Variants in PARD3B observed in about 807,000 individuals in gnomAD.
The protein encoded by PARD3B is par-3 family cell polarity regulator beta, also known as partitioning defective 3 homolog B.
In PARD3B, 103 loss-of-function variants were observed where a neutral mutation model predicts 130.2. The ratio of observed to expected loss-of-function variants is 0.79; its 90% CI spans 0.67 to 0.93. The LOEUF (loss-of-function observed/expected upper bound fraction) is 0.93, where lower values mean the gene tolerates loss of function less well. Among genes scored for constraint, PARD3B ranks in the 40% least tolerant of loss-of-function variants. PARD3B has a pLI of 0.00. For synonymous variants in PARD3B, 583 were observed against 553.2 expected (o/e 1.05, Z -0.76); for missense variants, 1,609 against 1,499.2 (o/e 1.07, Z -1.21).
chr2:205,098,482 T>C (rs1312334898), intron 4 of PARD3B, among the ~76,000 whole-genome samples: 1 of 152,192 alleles, frequency 6.6e-6, no homozygotes, highest in Non-Finnish European at 1.5e-5. Flanking sequence ...AAAACTACTT[T>C]TAATTTCATT....
chr2:204,589,819 G>A (rs1475188515), intron 1 of PARD3B, among the ~76,000 whole-genome samples: 1 of 152,188 alleles, frequency 6.6e-6, no homozygotes, highest in Non-Finnish European at 1.5e-5. Context: ...ACTGAAATAT[G>A]GAAATTTAAT....
intron 18 of PARD3B, among the ~76,000 whole-genome samples, chr2:205,359,489 C>T (rs1371493540): frequency 6.6e-6 from 1 of 152,156 alleles, no homozygotes; most frequent in Non-Finnish European, 1.5e-5. Context: ...CAGTAATCCT[C>T]AGTTCATGGC....
At chr2:205,294,887 T>C (rs2041733165) in intron 16 of PARD3B, among the ~76,000 whole-genome samples, 1 of 152,124 alleles carries the variant, frequency 6.6e-6, no homozygotes, top group South Asian at 2.1e-4. Flanking sequence ...GTGATAAGCT[T>C]GGAATGATGA....
chr2:205,220,757 A>T (rs61468195), intron 15 of PARD3B, among the ~76,000 whole-genome samples: 627 of 152,248 alleles, frequency 4.1e-3, no homozygotes, highest in African/African-American at 0.014. Flanking sequence ...ACATTTTTGG[A>T]GATAAGATCA....
intron 22 of PARD3B, among the ~76,000 whole-genome samples, chr2:205,576,963 T>C (rs927596305): frequency 3.9e-5 from 6 of 152,234 alleles, no homozygotes; most frequent in Non-Finnish European, 7.3e-5. Context: ...TCTTCTTTGA[T>C]TTCTTTCATC....
chr2:204,950,853 C>T (rs565993182), intron 2 of PARD3B, among the ~76,000 whole-genome samples: 1 of 152,024 alleles, frequency 6.6e-6, no homozygotes, highest in East Asian at 1.9e-4. Flanking sequence ...GTTTTTTAAA[C>T]CACAATCTGG....
At chr2:204,975,120 A>G (rs1692032616) in intron 3 of PARD3B, among the ~76,000 whole-genome samples, 1 of 152,210 alleles carries the variant, frequency 6.6e-6, no homozygotes, top group Admixed American at 6.5e-5. Context: ...TAATAAATTC[A>G]GATGCTCACA....
At chr2:204,782,919 T>G (rs1282673087) in intron 2 of PARD3B, among the ~76,000 whole-genome samples, 1 of 152,018 alleles carries the variant, frequency 6.6e-6, no homozygotes, top group East Asian at 1.9e-4. Flanking sequence ...AGAAAGTGGG[T>G]TTTCTGACAA....
chr2:205,486,702 A>T (rs1463479165), intron 20 of PARD3B, among the ~76,000 whole-genome samples: 1 of 152,050 alleles, frequency 6.6e-6, no homozygotes, highest in African/African-American at 2.4e-5. Flanking sequence ...AAACAACCAG[A>T]TCTCATAATA....
chr2:204,847,927 G>T (rs536239597), intron 2 of PARD3B, among the ~76,000 whole-genome samples: 1 of 152,132 alleles, frequency 6.6e-6, no homozygotes, highest in East Asian at 1.9e-4. Context: ...AAAGAAATTT[G>T]TGCTAGTTTT....
intron 4 of PARD3B, among the ~76,000 whole-genome samples, chr2:205,073,453 T>C (rs1267232876): frequency 6.6e-6 from 1 of 152,180 alleles, no homozygotes; most frequent in East Asian, 1.9e-4. Flanking sequence ...CTAGACAACA[T>C]TTCATCTCAT....
chr2:204,621,201 A>T (rs553977686), intron 1 of PARD3B, among the ~76,000 whole-genome samples: 2 of 152,314 alleles, frequency 1.3e-5, no homozygotes, highest in South Asian at 2.1e-4. Context: ...TAGCTAAAAA[A>T]ACTGAAAGCT....
chr2:205,138,912 A>G (rs1322546599), intron 10 of PARD3B, among the ~76,000 whole-genome samples: 1 of 152,212 alleles, frequency 6.6e-6, no homozygotes, highest in Non-Finnish European at 1.5e-5. Context: ...AGTAGTAGGC[A>G]CAGATGGAGC....
At chr2:205,532,033 T>TAATC (rs1186250023) in intron 21 of PARD3B, among the ~76,000 whole-genome samples, 1 of 152,174 alleles carries the variant, frequency 6.6e-6, no homozygotes, top group Non-Finnish European at 1.5e-5. Flanking sequence ...CTTGTAGCAA[T>TAATC]AATCAGTGAG....
intron 1 of PARD3B, among the ~76,000 whole-genome samples, chr2:204,658,675 A>G (rs571020456): frequency 2.6e-5 from 4 of 152,186 alleles, no homozygotes; most frequent in African/African-American, 9.6e-5. Flanking sequence ...TATTTACCAT[A>G]TAGATGTTGT....
intron 2 of PARD3B, among the ~76,000 whole-genome samples, chr2:204,857,258 A>T (rs932064524): frequency 6.6e-6 from 1 of 152,182 alleles, no homozygotes; most frequent in Admixed American, 6.6e-5. Flanking sequence ...CAGTTCATAA[A>T]TTAGCAGCAT....
chr2:205,492,604 AT>A (rs1260867860), intron 20 of PARD3B, among the ~76,000 whole-genome samples: 1 of 152,126 alleles, frequency 6.6e-6, no homozygotes, highest in Non-Finnish European at 1.5e-5. Context: ...CAGTCCTAAA[AT>A]TTCACCGGGC....
chr2:204,819,783 T>G (rs1253675639), intron 2 of PARD3B, among the ~76,000 whole-genome samples: 2 of 152,154 alleles, frequency 1.3e-5, no homozygotes, highest in African/African-American at 4.8e-5. Flanking sequence ...TGGAGAAGGT[T>G]GAGTAGTCTA....
intron 2 of PARD3B, among the ~76,000 whole-genome samples, chr2:204,860,290 G>A (rs181771087): frequency 9.9e-5 from 15 of 152,260 alleles, no homozygotes; most frequent in Admixed American, 9.8e-4. Context: ...GTCAGCTAGA[G>A]GAGAGTGTTT....
Sources: gnomAD v4.1 joint callset for allele counts (sites outside exome capture counted in the v4.1 genomes callset) on GRCh38, gnomAD v4.1.1 for gene constraint, MANE v1.5 for transcripts, NCBI Gene and HGNC (gene_info 2026-07-23, HGNC 2026-07-21) for gene names.